The following CUX1 variants were observed in gnomAD, a reference collection of about 807,000 sequenced individuals.
CUX1 encodes protein CASP.
In CUX1, 31 loss-of-function variants were observed where a neutral mutation model predicts 158.8. That is an observed-to-expected ratio of 0.20 (90% CI 0.15 to 0.26). The LOEUF is 0.26. Ranked by LOEUF, CUX1 falls within the 10% of genes least tolerant of loss-of-function variation. The pLI is 1.00. For synonymous variants in CUX1, 879 were observed against 862.1 expected, an observed-to-expected ratio of 1.02 and a Z score of -0.34; for missense variants, 1,589 against 2,014.6, an observed-to-expected ratio of 0.79 and a Z score of 4.04.
intron 4 of CUX1, among the ~76,000 whole-genome samples, chr7:102,073,173 T>TTTTTTTTTTTTTTTC (rs1387292594): frequency 9.0e-6 from 1 of 111,556 alleles, no homozygotes; most frequent in African/African-American, 4.5e-5. Context: ...TTCTTTTTTT[T>TTTTTTTTTTTTTTTC]TTTTTTTTTT....
intron 8 of CUX1, among the ~76,000 whole-genome samples, chr7:102,130,129 G>T (rs1462650862): frequency 6.6e-6 from 1 of 152,132 alleles, no homozygotes; most frequent in African/African-American, 2.4e-5. Context: ...AGACAGTGGG[G>T]TGTCTCATAT....
intron 18 of CUX1, among the ~76,000 whole-genome samples, chr7:102,278,683 ATAAAT>A (rs1414673524): frequency 6.8e-6 from 1 of 146,894 alleles, no homozygotes; most frequent in African/African-American, 2.5e-5. Context: ...ATAAAATAAA[ATAAAT>A]AAAATAAAAT....
chr7:101,881,374 C>G (rs779938673), intron 1 of CUX1, among the ~76,000 whole-genome samples: 1 of 152,204 alleles, frequency 6.6e-6, no homozygotes, highest in Non-Finnish European at 1.5e-5. Context: ...CCAGTTTTTA[C>G]TGGAGTTCTT....
intron 3 of CUX1, among the ~76,000 whole-genome samples, chr7:102,054,654 A>G (rs1823919421): frequency 6.6e-6 from 1 of 152,122 alleles, no homozygotes; most frequent in Admixed American, 6.6e-5. Context: ...TCTTAGAATC[A>G]ACTTGTCAAT....
intron 2 of CUX1, among the ~76,000 whole-genome samples, chr7:101,990,652 C>G (rs1473296157): frequency 6.6e-6 from 1 of 151,838 alleles, no homozygotes. Flanking sequence ...GCTGGGATTA[C>G]AGGTGTGAGT....
At chr7:102,087,617 A>G (rs1326348169) in intron 4 of CUX1, among the ~76,000 whole-genome samples, 3 of 152,176 alleles carry the variant, frequency 2.0e-5, no homozygotes, top group African/African-American at 7.2e-5. Context: ...TTAACTTATC[A>G]TTTTATACCT....
intron 4 of CUX1, 138 bp from the exon 5 acceptor site, chr7:102,097,226 G>A: frequency 9.9e-7 from 1 of 1,008,406 alleles, no homozygotes; most frequent in Non-Finnish European, 1.4e-6. Context: ...AAGGGGGCTG[G>A]CTGCAGGGGC....
intron 1 of CUX1, among the ~76,000 whole-genome samples, chr7:101,831,123 G>A (rs1793948297): frequency 6.6e-6 from 1 of 152,160 alleles, no homozygotes; most frequent in Admixed American, 6.5e-5. Flanking sequence ...TGTGTCTGCT[G>A]TGTGAACAGG....
chr7:102,030,691 G>GTTTTTTTTTTTTTGTTTTTTGTTTTTTT (rs71119801), intron 3 of CUX1, among the ~76,000 whole-genome samples: 9 of 119,386 alleles, frequency 7.5e-5, no homozygotes, highest in African/African-American at 2.8e-4. Flanking sequence ...TTTAAAAAGT[G>GTTTTTTTTTTTTTGTTTTTTGTTTTTTT]TTTTTTTTTT....
At chr7:101,868,047 A>G (rs1472088843) in intron 1 of CUX1, among the ~76,000 whole-genome samples, 1 of 152,006 alleles carries the variant, frequency 6.6e-6, no homozygotes, top group Non-Finnish European at 1.5e-5. Context: ...AGGTCTCGCT[A>G]TGTTACCCAG....
chr7:101,913,362 C>T (rs1010507997), intron 1 of CUX1: 15 of 1,263,956 alleles, frequency 1.2e-5, no homozygotes, highest in South Asian at 6.3e-5. Flanking sequence ...AAGGGAGGGC[C>T]GCAGACCCCC....
chr7:101,850,199 C>T (rs1420062961), intron 1 of CUX1, among the ~76,000 whole-genome samples: 6 of 152,050 alleles, frequency 3.9e-5, no homozygotes, highest in African/African-American at 1.4e-4. Flanking sequence ...GCTGGGATTA[C>T]AAGTGTGAGC....
exon 20 of CUX1, chr7:102,280,808 G>A (rs782570785): frequency 1.4e-5 from 22 of 1,612,908 alleles, no homozygotes; most frequent in Middle Eastern, 1.6e-4. Context: ...GTGCAGGAGC[G>A]GCAGAGGAAG....
intron 2 of CUX1, among the ~76,000 whole-genome samples, chr7:101,985,639 C>T (rs888074500): frequency 2.6e-5 from 4 of 152,184 alleles, no homozygotes; most frequent in African/African-American, 9.7e-5. Context: ...GGGGAAGTTT[C>T]CCAAATTCCC....
At chr7:102,081,637 CTTTT>C (rs1563216855) in intron 4 of CUX1, among the ~76,000 whole-genome samples, 1 of 146,508 alleles carries the variant, frequency 6.8e-6, no homozygotes, top group Admixed American at 6.9e-5. Flanking sequence ...TCAGGTATTT[CTTTT>C]TTGTTTTTTT....
chr7:101,826,164 C>G (rs1156899337), intron 1 of CUX1, among the ~76,000 whole-genome samples: 1 of 152,054 alleles, frequency 6.6e-6, no homozygotes, highest in Non-Finnish European at 1.5e-5. Context: ...CTCTGTACAT[C>G]TGAGCTTCAA....
At chr7:101,816,954 C>T, upstream of CUX1, 1 of 983,316 alleles carries the variant, frequency 1.0e-6, no homozygotes, top group Non-Finnish European at 1.2e-6. Flanking sequence ...GGGAGCGCCC[C>T]GGGGCCACCC....
chr7:102,236,522 C>T (rs1799584936), intron 22 of CUX1, among the ~76,000 whole-genome samples: 1 of 152,204 alleles, frequency 6.6e-6, no homozygotes. Flanking sequence ...GCAGTCCTCC[C>T]ATCTCGGCCT....
chr7:102,020,516 T>C lies in CUX1; in HGVS notation c.142-7582T>C, dbSNP rs189712644. On this transcript the variant is annotated intron_variant, in intron 2 of 23. Coordinates refer to ENST00000292535, the MANE Select transcript of CUX1 (RefSeq NM_181552.4). ...CTATCTAACGTGACATCCAGGAAAATAAATACTAAGAACATTTTTTCTTTC... is the reference window on the plus strand; with the variant it reads ...CTATCTAACGTGACATCCAGGAAAACAAATACTAAGAACATTTTTTCTTTC... 2.3e-4 allele frequency among the ~76,000 whole-genome samples: 35 copies of C among 152,276 alleles called. No individual in the cohort carries two copies. The East Asian group carries it at 6.6e-3, about 29-fold the overall frequency.
Sources: gnomAD v4.1 joint callset for allele counts (sites outside exome capture counted in the v4.1 genomes callset) on GRCh38, gnomAD v4.1.1 for gene constraint, MANE v1.5 for transcripts, NCBI Gene and HGNC (gene_info 2026-07-23, HGNC 2026-07-21) for gene names.